Variants in LARS2 observed in about 807,000 individuals in gnomAD.
The protein encoded by LARS2 is leucine--tRNA ligase, mitochondrial.
Under a neutral mutation model 116.6 loss-of-function variants are expected in LARS2, and 81 were observed. That is an observed-to-expected ratio of 0.69 (90% CI 0.58 to 0.84). LARS2 has a LOEUF of 0.84. Ranked by LOEUF, LARS2 falls within the 40% of genes least tolerant of loss-of-function variation. The pLI is 0.00. For missense variants in LARS2, 968 were observed against 1,114.5 expected (o/e 0.87, Z 1.87); for synonymous variants, 396 against 407.2 (o/e 0.97, Z 0.33).
chr3:45,395,697 G>A (rs916369685), intron 3 of LARS2, among the ~76,000 whole-genome samples: 1 of 152,186 alleles, frequency 6.6e-6, no homozygotes, highest in African/African-American at 2.4e-5. Flanking sequence ...CCCATCTCCT[G>A]ATTCGGTCAA....
rs531285099 is a variant in LARS2 at position 45,448,388 on chromosome 3, T to C, written c.606+1408T>C. 3.9e-5 allele frequency among the ~76,000 whole-genome samples: 6 copies of C among 152,274 alleles called. No homozygotes were observed. In the South Asian group the frequency reaches 1.2e-3, roughly 32 times the overall value. On this transcript the variant is annotated intron_variant, in intron 7 of 21. Coordinates refer to ENST00000645846, the MANE Select transcript of LARS2 (RefSeq NM_015340.4). ...CTGTTTGGTCAGGATTTAGTCTTGG[T>C]TTTTTTCCAGGTGGATCTCTGTCTT...
chr3:45,541,772 C>T (rs1700799804), intron 20 of LARS2, 57 bp from the exon 21 acceptor site: 2 of 1,597,588 alleles, frequency 1.3e-6, no homozygotes, highest in Non-Finnish European at 1.7e-6. Context: ...TGGTCCTGCT[C>T]TCATAAGCCT....
intron 18 of LARS2, 99 bp downstream of exon 18, chr3:45,518,171 C>A: frequency 1.2e-6 from 1 of 847,622 alleles, no homozygotes. Context: ...TTGGGTTGGG[C>A]CACTGTGGGT....
intron 8 of LARS2, among the ~76,000 whole-genome samples, chr3:45,469,644 G>A (rs1377947367): frequency 6.6e-6 from 1 of 151,912 alleles, no homozygotes; most frequent in Non-Finnish European, 1.5e-5. Flanking sequence ...GTGCCCGGCC[G>A]GGTTTTTTTA....
intron 14 of LARS2, among the ~76,000 whole-genome samples, chr3:45,499,828 A>G (rs951581439): frequency 6.6e-6 from 1 of 151,966 alleles, no homozygotes; most frequent in African/African-American, 2.4e-5. Context: ...TTTTGCTGGT[A>G]TGTTTTCCTT....
At chr3:45,423,582 A>G (rs943458102) in intron 6 of LARS2, among the ~76,000 whole-genome samples, 4 of 152,008 alleles carry the variant, frequency 2.6e-5, no homozygotes, top group Non-Finnish European at 2.9e-5. Flanking sequence ...TTACTGTTAT[A>G]TTGCAATTTT....
At chr3:45,476,443 C>T (rs1327576989) in intron 9 of LARS2, 25 bp from the exon 10 acceptor site, 1 of 1,613,354 alleles carries the variant, frequency 6.2e-7, no homozygotes, top group Middle Eastern at 1.7e-4. Context: ...TGAGAAATGA[C>T]ATCACTCTTC....
intron 20 of LARS2, among the ~76,000 whole-genome samples, chr3:45,540,750 AT>A (rs1700780880): frequency 2.6e-5 from 2 of 77,798 alleles, no homozygotes; most frequent in African/African-American, 1.1e-4. Context: ...CTATCTGTCT[AT>A]CTATCTATCT....
In LARS2 at chr3:45,428,418, T is replaced by A. The variant is rs545998110; in HGVS notation, c.516+8689T>A. Among the ~76,000 whole-genome samples, 120 of 151,990 alleles carry A rather than the reference T, an allele frequency of 7.9e-4. 1 individual carries two copies. The highest frequency in any genetic ancestry group is 2.5e-3 in the African/African-American group (104 of 41,460). ...GCCACCACACCCGGATAATTTTTTT[T>A]ATATTTTTAGTAGAGACAGGGTTTC... On this transcript the variant is annotated intron_variant, in intron 6 of 21. Transcript: ENST00000645846.
At chr3:45,542,664 A>G (rs548530132) in intron 21 of LARS2, among the ~76,000 whole-genome samples, 1 of 152,002 alleles carries the variant, frequency 6.6e-6, no homozygotes, top group Non-Finnish European at 1.5e-5. Flanking sequence ...TTGTCATTTC[A>G]CTCTTATCAC....
At chr3:45,533,408 A>G (rs1479781179) in intron 20 of LARS2, among the ~76,000 whole-genome samples, 2 of 152,026 alleles carry the variant, frequency 1.3e-5, no homozygotes, top group Admixed American at 1.3e-4. Flanking sequence ...CGGCCTACCA[A>G]ATTGCTGGGA....
At chr3:45,501,100 C>A (rs1028233960) in intron 15 of LARS2, among the ~76,000 whole-genome samples, 1 of 128,876 alleles carries the variant, frequency 7.8e-6, no homozygotes, top group African/African-American at 2.5e-5. Flanking sequence ...CCCCATGAAA[C>A]GTATCATATA....
Position 45,524,414 on chromosome 3 carries a change from GT to G in LARS2, c.2404+307del, listed in dbSNP as rs557876971. Reference sequence around the variant, plus strand: ...GTATCCACATATTATGACCTGCGTGGTCTTTTTAAGATAAAAACTCATGTTT... The same window carrying G: ...GTATCCACATATTATGACCTGCGTGGCTTTTTAAGATAAAAACTCATGTTT... On this transcript the variant is annotated intron_variant, in intron 20 of 21. Transcript: ENST00000645846. 1.3e-3 allele frequency among the ~76,000 whole-genome samples: 193 copies of G among 152,252 alleles called. 1 individual carries two copies. The highest frequency in any genetic ancestry group is 4.4e-3 in the African/African-American group (183 of 41,552).
At chr3:45,413,405 C>T (rs144034806) in intron 4 of LARS2, among the ~76,000 whole-genome samples, 6 of 152,254 alleles carry the variant, frequency 3.9e-5, no homozygotes, top group African/African-American at 9.6e-5. Flanking sequence ...TGTGCTGTGC[C>T]GGGCACCATG....
chr3:45,474,324 G>A lies in LARS2; in HGVS notation c.832G>A (p.Gly278Ser). 1 of 1,609,554 alleles carries A rather than the reference G, an allele frequency of 6.2e-7. No individual in the cohort carries two copies. Among genetic ancestry groups the A allele is most frequent in the Non-Finnish European group, 8.5e-7 (1 of 1,176,448 alleles). The change falls in exon 9 of 22, where the codon GGC (glycine) becomes AGC (serine). Residue 278 changes from glycine to serine, a missense_variant. Transcript: ENST00000645846. Reference protein sequence around the residue: ...MQAHWIGDCVGCHLDFTLKVH... With the variant: ...MQAHWIGDCVSCHLDFTLKVH... ...AGCCCACTGGATTGGGGACTGTGTG[G>A]GCTGCCACCTGGACTTCACATTAAA...
intron 4 of LARS2, among the ~76,000 whole-genome samples, chr3:45,415,860 A>AAAATAT (rs1553627793): frequency 6.5e-5 from 6 of 92,742 alleles, no homozygotes; most frequent in African/African-American, 2.5e-4. Flanking sequence ...AAAAAAAAAA[A>AAAATAT]ATATATATAT....
intron 6 of LARS2, among the ~76,000 whole-genome samples, chr3:45,435,396 A>G (rs1698781379): frequency 6.6e-6 from 1 of 152,152 alleles, no homozygotes; most frequent in Non-Finnish European, 1.5e-5. Context: ...ATGCCTTATT[A>G]TTGCCCCTCA....
chr3:45,454,884 G>A (rs775012828), intron 7 of LARS2, among the ~76,000 whole-genome samples: 1 of 152,098 alleles, frequency 6.6e-6, no homozygotes, highest in Non-Finnish European at 1.5e-5. Flanking sequence ...GGCTTCAAGG[G>A]GTTGCAGGTG....
intron 6 of LARS2, among the ~76,000 whole-genome samples, chr3:45,435,447 G>A (rs1698782376): frequency 6.6e-6 from 1 of 152,140 alleles, no homozygotes; most frequent in African/African-American, 2.4e-5. Flanking sequence ...TTTGCTGGTG[G>A]GACTGCAGTT....
Sources: allele counts gnomAD v4.1 joint callset (sites outside exome capture counted in the v4.1 genomes callset), GRCh38; gene constraint gnomAD v4.1.1; transcripts MANE v1.5; gene names NCBI Gene and HGNC (gene_info 2026-07-23, HGNC 2026-07-21).